Variants in JUP observed in about 807,000 individuals in gnomAD.
JUP encodes junction plakoglobin, also known as catenin (cadherin-associated protein), gamma 80kDa.
A neutral mutation model predicts 71.1 loss-of-function variants in JUP; 28 were observed. That is an observed-to-expected ratio of 0.39 (90% confidence interval 0.29 to 0.54). JUP has a LOEUF of 0.54. JUP is among the 20% of genes least tolerant of loss of function. The pLI is 0.62. For synonymous variants in JUP, 401 were observed against 438.9 expected (o/e 0.91, Z 1.08); for missense variants, 869 against 1,030.1 (o/e 0.84, Z 2.14).
chr17:41,758,621 T>C, intron 9 of JUP, 94 bp downstream of exon 9: 1 of 1,572,514 alleles, frequency 6.4e-7, no homozygotes, highest in Non-Finnish European at 8.6e-7. Context: ...GGAATTGGCA[T>C]CAGTTGCAAC....
At chr17:41,783,991 G>T (rs542012009) in intron 1 of JUP, among the ~76,000 whole-genome samples, 47 of 152,028 alleles carry the variant, frequency 3.1e-4, no homozygotes, top group Non-Finnish European at 4.9e-4. Context: ...TGGGTAGATA[G>T]GTATTAGTAT....
chr17:41,771,592 C>T, intron 2 of JUP, 55 bp downstream of exon 2: 1 of 1,542,602 alleles, frequency 6.5e-7, no homozygotes, highest in South Asian at 1.1e-5. Context: ...TCTGACCTCT[C>T]TCCAGGACCC....
intron 5 of JUP, among the ~76,000 whole-genome samples, 199 bp from the exon 6 acceptor site, chr17:41,765,266 C>G (rs1350613339): frequency 6.6e-6 from 1 of 152,116 alleles, no homozygotes; most frequent in Non-Finnish European, 1.5e-5. Context: ...GAACTCCTGG[C>G]CTCAAGTGAT....
Position 41,765,064 on chromosome 17 carries a change from T to C in JUP, c.913A>G (p.Ile305Val). Residue 305 changes from isoleucine to valine, a missense_variant, in exon 6 of 14, where the codon ATC becomes GTC. By Grantham distance (29) the Ile-to-Val change is conservative. Coordinates refer to ENST00000393931, the MANE Select transcript of JUP (RefSeq NM_002230.4). ...LAYGNQESKL[I>V]ILANGGPQAL... ...TGGGGCCCACCATTGGCCAGGATGA[T>C]CAGCTATGGGTAAAGAGGGAATGAG... 1 of 1,614,068 alleles carries C rather than the reference T, an allele frequency of 6.2e-7. No individual in the cohort carries two copies. The highest frequency in any genetic ancestry group is 8.5e-7 in the Non-Finnish European group (1 of 1,179,982).
chr17:41,769,596 T>A lies in JUP; in HGVS notation c.290A>T (p.Asp97Val), dbSNP rs781802118. Reference sequence around the variant, plus strand: ...CTGGGTGGCCAGCAGAAGCGAGCTGTCCTCGCCTGACACACCAGGGCACAT... The same window carrying A: ...CTGGGTGGCCAGCAGAAGCGAGCTGACCTCGCCTGACACACCAGGGCACAT... Reference protein sequence around the residue: ...EAMCPGVSGEDSSLLLATQVE... With the variant: ...EAMCPGVSGEVSSLLLATQVE... Residue 97 changes from aspartate (D) to valine (V), a missense_variant, in exon 3 of 14, where the codon GAC (aspartate) becomes GTC (valine). By Grantham distance (152) the Asp-to-Val change is radical. Transcript: ENST00000393931. The A allele has an allele frequency of 5.0e-6, 8 of 1,605,432 alleles. No individual in the cohort carries two copies. Among genetic ancestry groups the A allele is most frequent in the Non-Finnish European group, 6.8e-6 (8 of 1,176,916 alleles).
chr17:41,755,995 C>T, intron 13 of JUP, 100 bp from the exon 14 acceptor site: 1 of 1,380,618 alleles, frequency 7.2e-7, no homozygotes, highest in South Asian at 1.3e-5. Context: ...ATGCCCACCC[C>T]TGGTGGGCCT....
intron 1 of JUP, among the ~76,000 whole-genome samples, chr17:41,785,383 G>A (rs1296727759): frequency 6.6e-6 from 1 of 152,200 alleles, no homozygotes; most frequent in African/African-American, 2.4e-5. Flanking sequence ...GGCCTTGTCT[G>A]AGGGGGTGTG....
At position 41,756,182 on chromosome 17, in the gene JUP, A is replaced by G. The variant is rs1555597744; in HGVS notation, c.2079T>C (p.Tyr693=). The G allele has an allele frequency of 1.2e-6, 2 of 1,613,286 alleles. No homozygotes were observed. Among genetic ancestry groups the G allele is most frequent in the East Asian group, 2.2e-5 (1 of 44,874 alleles). The change falls in exon 13 of 14, where the codon TAT becomes TAC. Residue 693 remains tyrosine (Y), a synonymous_variant. Transcript: ENST00000393931. ...AQSMIPINEP[Y]GDDMDATYRP... is the part of the protein sequence containing the mutation. ...AGCCCGGCACACACTTACCATCTCC[A>G]TAGGGCTCATTGATGGGAATCATGC...
chr17:41,760,976 T>A (rs1332787079), intron 8 of JUP, among the ~76,000 whole-genome samples: 1 of 152,208 alleles, frequency 6.6e-6, no homozygotes, highest in African/African-American at 2.4e-5. Context: ...TGGCACCAGA[T>A]GCCACCTTGC....
chr17:41,773,246 G>A (rs974817842), intron 1 of JUP, among the ~76,000 whole-genome samples: 1 of 152,188 alleles, frequency 6.6e-6, no homozygotes, highest in African/African-American at 2.4e-5. Context: ...GGGCAACCTG[G>A]CCCCACCCCA....
chr17:41,756,265 G>A (rs373762474), intron 12 of JUP, 51 bp from the exon 13 acceptor site: 31 of 1,570,964 alleles, frequency 2.0e-5, no homozygotes, highest in Non-Finnish European at 2.7e-5. Flanking sequence ...TGCAGGCTCC[G>A]AGCTGGATCT....
At chr17:41,771,616 G>A in intron 2 of JUP, 31 bp downstream of exon 2, 1 of 1,601,380 alleles carries the variant, frequency 6.2e-7, no homozygotes, top group Middle Eastern at 2.1e-4. Context: ...CAGGTTTTCT[G>A]CCCCATGCAA....
intron 8 of JUP, 140 bp downstream of exon 8, chr17:41,762,839 AAACT>A (rs1915115190): frequency 1.4e-6 from 1 of 698,062 alleles, no homozygotes; most frequent in Non-Finnish European, 2.5e-6. Flanking sequence ...GTTGAGGTCT[AAACT>A]ATTACACGAG....
At position 41,756,166 on chromosome 17, in the gene JUP, C is replaced by T. The variant is rs1913698202; in HGVS notation, c.2086+9G>A. 6.2e-7 allele frequency: 1 copy of T among 1,613,536 alleles called. No individual in the cohort carries two copies. Among genetic ancestry groups the T allele is most frequent in the East Asian group, 2.2e-5 (1 of 44,880 alleles). ...CTCCAGGGTCCTGAAGAGCCCGGCA[C>T]ACACTTACCATCTCCATAGGGCTCA... On this transcript the variant is annotated intron_variant, in intron 13 of 13. Transcript: ENST00000393931.
At chr17:41,758,319 C>T (rs990931405) in intron 10 of JUP, 80 bp downstream of exon 10, 8 of 1,583,618 alleles carry the variant, frequency 5.1e-6, no homozygotes, top group Non-Finnish European at 6.9e-6. Context: ...CTGGTCCAGG[C>T]CTCCCAAATC....
chr17:41,771,988 T>A lies in JUP; in HGVS notation c.-8-126A>T. ...CATGGCCCAGGGATTTCAATGAGGA[T>A]GCAGGCTGGGGATGGGGGGACTGCC... On this transcript the variant is annotated intron_variant, in intron 1 of 13. Coordinates refer to ENST00000393931, the MANE Select transcript of JUP (RefSeq NM_002230.4). The A allele has an allele frequency of 3.4e-6, 3 of 894,920 alleles. No homozygotes were observed. The South Asian group carries it at 4.3e-5, about 13-fold the overall frequency. 55.4% of individuals were successfully genotyped at this position (894,920 alleles called of 1,614,324 possible). A position where few individuals can be genotyped will look rare whatever the true frequency, so the allele number is the denominator to read the frequency against.
intron 8 of JUP, 148 bp downstream of exon 8, chr17:41,762,835 G>A (rs1915113996): frequency 1.5e-6 from 1 of 685,836 alleles, no homozygotes; most frequent in Non-Finnish European, 2.6e-6. Context: ...CATTGTTGAG[G>A]TCTAAACTAT....
At chr17:41,766,859 AAAAAAAAAAAAAG>A (rs1915794056) in intron 5 of JUP, among the ~76,000 whole-genome samples, 1 of 141,720 alleles carries the variant, frequency 7.1e-6, no homozygotes, top group Admixed American at 7.1e-5. Context: ...CATCTCAAAC[AAAAAAAAAAAAAG>A]AAAGAAAAGA....
chr17:41,785,814 C>T (rs2094325336), intron 1 of JUP: 1 of 142,458 alleles, frequency 7.0e-6, no homozygotes, highest in African/African-American at 2.5e-5. Flanking sequence ...GCACAGACCC[C>T]ACCCCCCAGA....
Sources: gnomAD v4.1 joint callset for allele counts (sites outside exome capture counted in the v4.1 genomes callset) on GRCh38, gnomAD v4.1.1 for gene constraint, MANE v1.5 for transcripts, NCBI Gene and HGNC (gene_info 2026-07-23, HGNC 2026-07-21) for gene names.